Variants in QKI observed in about 807,000 individuals in gnomAD.
QKI encodes QKI, KH domain containing RNA binding, also known as KH domain-containing RNA-binding protein QKI.
A neutral mutation model predicts 39.0 loss-of-function variants in QKI; 10 were observed. That is an observed-to-expected ratio of 0.26 (90% confidence interval 0.16 to 0.43). The LOEUF (loss-of-function observed/expected upper bound fraction) is 0.43. Among genes scored for constraint, QKI ranks in the 20% least tolerant of loss-of-function variants. QKI has a pLI of 1.00. For synonymous variants in QKI, 204 were observed against 155.4 expected (o/e 1.31, Z -2.33); for missense variants, 218 against 428.0 (o/e 0.51, Z 4.33).
At chr6:163,566,700 T>C in intron 6 of QKI, 21 bp from the exon 7 acceptor site, 2 of 1,612,934 alleles carry the variant, frequency 1.2e-6, no homozygotes, top group Non-Finnish European at 1.7e-6. Context: ...AACTTTGTCT[T>C]GGTAATTGCA....
chr6:163,566,433 A>C, intron 6 of QKI: 1 of 1,266,064 alleles, frequency 7.9e-7, no homozygotes, highest in South Asian at 1.7e-5. Flanking sequence ...AGTAAAGCTT[A>C]AATATGTTTG....
chr6:163,486,643 C>A (rs1025284207), intron 3 of QKI, among the ~76,000 whole-genome samples: 1 of 152,046 alleles, frequency 6.6e-6, no homozygotes, highest in African/African-American at 2.4e-5. Flanking sequence ...TGAGAAAGTC[C>A]TAGAGGGTCT....
chr6:163,512,163 C>T (rs1251456293), intron 3 of QKI, among the ~76,000 whole-genome samples: 1 of 151,986 alleles, frequency 6.6e-6, no homozygotes, highest in African/African-American at 2.4e-5. Flanking sequence ...GATAAAGCTT[C>T]CCAGCAAACT....
At chr6:163,551,023 G>A (rs1469655419) in intron 4 of QKI, among the ~76,000 whole-genome samples, 1 of 151,514 alleles carries the variant, frequency 6.6e-6, no homozygotes, top group South Asian at 2.1e-4. Context: ...GCCAGCCAAT[G>A]TGAATGTTAT....
chr6:163,444,065 T>A (rs966164805), intron 1 of QKI, among the ~76,000 whole-genome samples: 1 of 152,198 alleles, frequency 6.6e-6, no homozygotes, highest in Non-Finnish European at 1.5e-5. Flanking sequence ...AGGATGTAAT[T>A]TAAAGTAAAT....
chr6:163,426,531 C>G (rs1488372673), intron 1 of QKI, among the ~76,000 whole-genome samples: 1 of 151,594 alleles, frequency 6.6e-6, no homozygotes, highest in Non-Finnish European at 1.5e-5. Flanking sequence ...GTTTTGTTTC[C>G]CCACTTGGAA....
chr6:163,516,813 A>G lies in QKI; in HGVS notation c.403-18169A>G, dbSNP rs138195788. On this transcript the variant is annotated intron_variant, in intron 3 of 7. Coordinates refer to ENST00000361752, the MANE Select transcript of QKI (RefSeq NM_006775.3). ...AGAGGTGTAGGCTAGAGTATTTGACATTCTGGAATATATTTTAACTTACTT... is the reference window on the plus strand; with the variant it reads ...AGAGGTGTAGGCTAGAGTATTTGACGTTCTGGAATATATTTTAACTTACTT... Among the ~76,000 whole-genome samples, 787 of 152,190 alleles carry G rather than the reference A, an allele frequency of 5.2e-3. 12 individuals are homozygous for G. Among genetic ancestry groups the G allele is most frequent in the African/African-American group, 0.018 (752 of 41,530 alleles).
chr6:163,417,988 T>C (rs1787671019), intron 1 of QKI, among the ~76,000 whole-genome samples: 1 of 152,150 alleles, frequency 6.6e-6, no homozygotes, highest in African/African-American at 2.4e-5. Context: ...CATTTTTTTT[T>C]CTGGATGATT....
intron 3 of QKI, among the ~76,000 whole-genome samples, chr6:163,525,813 A>G (rs1440368096): frequency 1.3e-5 from 2 of 152,252 alleles, no homozygotes; most frequent in African/African-American, 4.8e-5. Context: ...TTAACTGAGT[A>G]CATTGAGTCA....
chr6:163,483,555 A>T (rs145159634), intron 3 of QKI, among the ~76,000 whole-genome samples: 125 of 152,292 alleles, frequency 8.2e-4, no homozygotes, highest in African/African-American at 2.8e-3. Flanking sequence ...TCATCTCAAG[A>T]AATCACTTTC....
intron 3 of QKI, among the ~76,000 whole-genome samples, chr6:163,483,051 A>G (rs1793202142): frequency 6.6e-6 from 1 of 152,208 alleles, no homozygotes; most frequent in Non-Finnish European, 1.5e-5. Context: ...GACCACCACA[A>G]TAAGGGAACA....
At chr6:163,528,734 G>T (rs1215034747) in intron 3 of QKI, among the ~76,000 whole-genome samples, 3 of 152,020 alleles carry the variant, frequency 2.0e-5, no homozygotes, top group African/African-American at 7.2e-5. Context: ...TATCTGCTCT[G>T]CCATCAAGTG....
chr6:163,571,071 C>A lies in QKI; in HGVS notation c.*361C>A. On this transcript the variant is annotated 3_prime_UTR_variant, in exon 8 of 8. Transcript: ENST00000361752. ...GGGAGACAGATGGTCCTTAACTACT[C>A]AATGACAGAGGCAGTTACTGTGAGA... 5.6e-6 allele frequency: 1 copy of A among 178,122 alleles called. No homozygotes were observed. The highest frequency in any genetic ancestry group is 2.3e-5 in the African/African-American group (1 of 42,648). 11.0% of individuals were successfully genotyped at this position (178,122 alleles called of 1,614,324 possible).
intron 1 of QKI, among the ~76,000 whole-genome samples, chr6:163,425,564 T>C (rs1322803070): frequency 3.3e-5 from 5 of 152,230 alleles, no homozygotes; most frequent in African/African-American, 1.2e-4. Flanking sequence ...TATACGTGGC[T>C]AACCCTTTAG....
intron 1 of QKI, among the ~76,000 whole-genome samples, chr6:163,443,674 C>T (rs780730844): frequency 3.9e-5 from 6 of 152,186 alleles, no homozygotes; most frequent in Non-Finnish European, 7.3e-5. Context: ...CTAAAAATGT[C>T]ATGAAGTGAC....
At chr6:163,440,119 A>G (rs1183631035) in intron 1 of QKI, among the ~76,000 whole-genome samples, 2 of 152,116 alleles carry the variant, frequency 1.3e-5, no homozygotes, top group Admixed American at 6.6e-5. Context: ...TCATAGTTCT[A>G]ATTTCTACTC....
chr6:163,436,744 C>CA (rs952418939), intron 1 of QKI, among the ~76,000 whole-genome samples: 47 of 125,976 alleles, frequency 3.7e-4, no homozygotes, highest in African/African-American at 1.3e-3. Context: ...GAGCCAAGAT[C>CA]ACTCCATTGC....
chr6:163,526,484 G>T (rs1780524487), intron 3 of QKI, among the ~76,000 whole-genome samples: 1 of 152,184 alleles, frequency 6.6e-6, no homozygotes, highest in Non-Finnish European at 1.5e-5. Context: ...GCTTCAGTGG[G>T]CAGTAACGAA....
chr6:163,464,880 A>G (rs549915194), intron 2 of QKI, among the ~76,000 whole-genome samples: 2 of 152,336 alleles, frequency 1.3e-5, no homozygotes, highest in South Asian at 4.1e-4. Flanking sequence ...AGGACATTGT[A>G]AGAAAATAAA....
Sources: gnomAD v4.1 joint callset for allele counts (sites outside exome capture counted in the v4.1 genomes callset) on GRCh38, gnomAD v4.1.1 for gene constraint, MANE v1.5 for transcripts, NCBI Gene and HGNC (gene_info 2026-07-23, HGNC 2026-07-21) for gene names.